The following LRIG1 variants were observed in gnomAD, a reference collection of about 807,000 sequenced individuals.
The protein encoded by LRIG1 is leucine rich repeats and immunoglobulin like domains 1, also known as leucine-rich repeats and immunoglobulin-like domains protein 1.
LRIG1 carries 48 observed loss-of-function variants against 99.2 expected under a neutral mutation model. The ratio of observed to expected loss-of-function variants is 0.48; its 90% CI spans 0.38 to 0.62. The LOEUF (loss-of-function observed/expected upper bound fraction) is 0.62, where lower values mean the gene tolerates loss of function less well. Ranked by LOEUF, LRIG1 falls within the 20% of genes least tolerant of loss-of-function variation. LRIG1 has a pLI of 0.00. For synonymous variants in LRIG1, 772 were observed against 596.1 expected, an observed-to-expected ratio of 1.29 and a Z score of -4.30; for missense variants, 1,646 against 1,434.4, an observed-to-expected ratio of 1.15 and a Z score of -2.38.
intron 3 of LRIG1, among the ~76,000 whole-genome samples, chr3:66,432,276 T>C (rs1703196828): frequency 6.6e-6 from 1 of 152,168 alleles, no homozygotes; most frequent in South Asian, 2.1e-4. Context: ...AAAGGGCCTT[T>C]GTAGCCGGAG....
At position 66,380,453 on chromosome 3, in the gene LRIG1, G is replaced by T. The variant is rs332374; in HGVS notation, c.3092C>A (p.Pro1031Gln). 5 of 1,613,938 alleles carry T rather than the reference G, an allele frequency of 3.1e-6. No homozygotes were observed. In the African/African-American group the frequency reaches 5.3e-5, roughly 17 times the overall value. Residue 1031 changes from proline (P) to glutamine (Q), a missense_variant, in exon 19 of 19, where the codon CCG (proline) becomes CAG (glutamine). Transcript: ENST00000273261. The part of the protein sequence containing the change: ...SSWTLARLYH[P>Q]DSTELQPASS... ...TGCAGGCTGTAGCTCTGTGGAGTCCGGGTGATACAACCTTGCTAAAGTCCA... is the reference window on the plus strand; with the variant it reads ...TGCAGGCTGTAGCTCTGTGGAGTCCTGGTGATACAACCTTGCTAAAGTCCA...
chr3:66,498,079 G>A (rs1436313933), intron 1 of LRIG1: 4 of 152,134 alleles, frequency 2.6e-5, no homozygotes, highest in African/African-American at 9.7e-5. Context: ...TCAGAAATAA[G>A]AAAACTTCAC....
intron 2 of LRIG1, among the ~76,000 whole-genome samples, chr3:66,454,633 G>A (rs1296310682): frequency 6.6e-6 from 1 of 152,110 alleles, no homozygotes; most frequent in African/African-American, 2.4e-5. Flanking sequence ...ATTAAGAAGT[G>A]CCTCAGATGC....
intron 11 of LRIG1, among the ~76,000 whole-genome samples, chr3:66,395,423 T>C (rs1260390899): frequency 1.3e-5 from 2 of 152,348 alleles, no homozygotes; most frequent in South Asian, 2.1e-4. Context: ...TGTAAGCAGA[T>C]GACCCAAGGC....
intron 3 of LRIG1, among the ~76,000 whole-genome samples, chr3:66,428,021 T>C (rs1383681716): frequency 6.6e-6 from 1 of 152,244 alleles, no homozygotes; most frequent in Non-Finnish European, 1.5e-5. Flanking sequence ...CAGCAATTTA[T>C]TTTTTCTTTC....
intron 3 of LRIG1, among the ~76,000 whole-genome samples, chr3:66,427,801 T>C (rs1703032094): frequency 1.3e-5 from 2 of 152,194 alleles, no homozygotes; most frequent in South Asian, 4.1e-4. Flanking sequence ...CTCCTGGTTG[T>C]TATTCCTCCC....
intron 3 of LRIG1, among the ~76,000 whole-genome samples, chr3:66,427,864 C>A (rs1254036713): frequency 6.6e-6 from 1 of 152,178 alleles, no homozygotes; most frequent in East Asian, 1.9e-4. Flanking sequence ...TATTTCTGTG[C>A]TGTACAGACA....
At chr3:66,493,038 A>G (rs1279644851) in intron 1 of LRIG1, among the ~76,000 whole-genome samples, 1 of 152,146 alleles carries the variant, frequency 6.6e-6, no homozygotes, top group East Asian at 1.9e-4. Context: ...CAAATGAAAA[A>G]TGTTCTTTGC....
intron 3 of LRIG1, among the ~76,000 whole-genome samples, chr3:66,421,508 C>G: frequency 2.0e-5 from 3 of 152,320 alleles, no homozygotes; most frequent in Admixed American, 2.0e-4. Context: ...ATCCAGATCA[C>G]GCTGATGCAA....
At chr3:66,449,496 G>A (rs187476877) in intron 3 of LRIG1, among the ~76,000 whole-genome samples, 17 of 152,312 alleles carry the variant, frequency 1.1e-4, no homozygotes, top group Admixed American at 6.5e-5. Flanking sequence ...GCAGGAACAA[G>A]GCCAAACAGC....
rs1448290961 is a variant in LRIG1 at position 66,379,948 on chromosome 3, T to C, written c.*315A>G. 1 of 186,384 alleles carries C rather than the reference T, an allele frequency of 5.4e-6. No homozygotes were observed. The highest frequency in any genetic ancestry group is 1.1e-5 in the Non-Finnish European group (1 of 91,280). The allele number at this position is 186,384 out of a possible 1,614,324, so 11.5% of individuals were successfully genotyped here. ...TTAAACAGCAACCTGATACGAAAAA[T>C]AATATTGTCAAAATTGTATAATTTT... On this transcript the variant is annotated 3_prime_UTR_variant, in exon 19 of 19. Coordinates refer to ENST00000273261, the MANE Select transcript of LRIG1 (RefSeq NM_015541.3).
At chr3:66,431,436 C>T (rs975817963) in intron 3 of LRIG1, among the ~76,000 whole-genome samples, 2 of 152,194 alleles carry the variant, frequency 1.3e-5, no homozygotes, top group African/African-American at 2.4e-5. Context: ...GCACTACCCA[C>T]GTTGGAGGGT....
At chr3:66,433,688 A>G (rs1365798795) in intron 3 of LRIG1, among the ~76,000 whole-genome samples, 4 of 152,244 alleles carry the variant, frequency 2.6e-5, no homozygotes, top group Admixed American at 1.3e-4. Context: ...ATGACCTGAC[A>G]GTGCTCCGGG....
intron 1 of LRIG1, among the ~76,000 whole-genome samples, chr3:66,494,745 A>T (rs1701190167): frequency 6.6e-6 from 1 of 152,228 alleles, no homozygotes; most frequent in Non-Finnish European, 1.5e-5. Context: ...CAAAAAAGAG[A>T]CACAAATTGC....
chr3:66,459,064 G>C (rs1206670818), intron 2 of LRIG1, among the ~76,000 whole-genome samples: 1 of 152,104 alleles, frequency 6.6e-6, no homozygotes, highest in Non-Finnish European at 1.5e-5. Context: ...TGATGTTAGG[G>C]TTAAGTGATG....
intron 3 of LRIG1, among the ~76,000 whole-genome samples, chr3:66,419,457 T>C (rs1034322126): frequency 6.6e-6 from 1 of 151,960 alleles, no homozygotes; most frequent in Non-Finnish European, 1.5e-5. Flanking sequence ...GACAAGGGTG[T>C]GTGGGAGTGA....
chr3:66,384,290 AC>A lies in LRIG1; in HGVS notation c.1790-19del, dbSNP rs1701255093. 6.2e-7 allele frequency: 1 copy of A among 1,603,366 alleles called. No homozygotes were observed. Among genetic ancestry groups the A allele is most frequent in the Non-Finnish European group, 8.5e-7 (1 of 1,172,032 alleles). On this transcript the variant is annotated intron_variant, in intron 13 of 18. Coordinates refer to ENST00000273261, the MANE Select transcript of LRIG1 (RefSeq NM_015541.3). ...TGGCAACACTGGAAAACATACGTATACAGGGTCGGGTTACGGGACAGCTAGA... is the reference window on the plus strand; with the variant it reads ...TGGCAACACTGGAAAACATACGTATAAGGGTCGGGTTACGGGACAGCTAGA...
intron 1 of LRIG1, among the ~76,000 whole-genome samples, chr3:66,496,417 T>C (rs982943262): frequency 6.6e-6 from 1 of 152,160 alleles, no homozygotes; most frequent in African/African-American, 2.4e-5. Context: ...ACCAATATTA[T>C]TTGCCAGAAA....
chr3:66,389,424 C>T (rs1039413853), intron 12 of LRIG1, among the ~76,000 whole-genome samples: 1 of 151,868 alleles, frequency 6.6e-6, no homozygotes, highest in Admixed American at 6.6e-5. Context: ...CAAAGATTAC[C>T]ATAATGGATA....
Sources: allele counts gnomAD v4.1 joint callset (sites outside exome capture counted in the v4.1 genomes callset), GRCh38; gene constraint gnomAD v4.1.1; transcripts MANE v1.5; gene names NCBI Gene and HGNC (gene_info 2026-07-23, HGNC 2026-07-21).